The following TTC9C variants were observed in gnomAD, a reference collection of about 807,000 sequenced individuals.
TTC9C encodes the protein tetratricopeptide repeat domain 9C.
Under a neutral mutation model 22.5 loss-of-function variants are expected in TTC9C, and 15 were observed. The observed-to-expected ratio is 0.67, with a 90% confidence interval of 0.45 to 1.03. TTC9C has a LOEUF of 1.03. Among genes scored for constraint, TTC9C ranks in the 50% least tolerant of loss-of-function variants. The probability of loss-of-function intolerance (pLI) is 0.00; values close to 1 mark genes in which losing one functional copy is unlikely to be tolerated. For synonymous variants in TTC9C, 92 were observed against 86.8 expected, an observed-to-expected ratio of 1.06 and a Z score of -0.33; for missense variants, 244 against 214.6, an observed-to-expected ratio of 1.14 and a Z score of -0.86.
At chr11:62,728,129 G>A (rs879258959), upstream of TTC9C, 3 of 161,842 alleles carry the variant, frequency 1.9e-5, no homozygotes, top group Non-Finnish European at 4.1e-5. Flanking sequence ...GGGTGGTGTG[G>A]CGCAATGCGC....
chr11:62,735,481 G>A lies in TTC9C; in HGVS notation c.338G>A (p.Arg113Gln), dbSNP rs758293320. 7.4e-6 allele frequency: 12 copies of A among 1,613,948 alleles called. No individual in the cohort carries two copies. Among genetic ancestry groups the A allele is most frequent in the East Asian group, 2.2e-5 (1 of 44,900 alleles). ...CCTGATAATGCCAAGGCCTTGTATCGGGCCGGAGTGGCCTTTTTCCATCTG... is the reference window on the plus strand; with the variant it reads ...CCTGATAATGCCAAGGCCTTGTATCAGGCCGGAGTGGCCTTTTTCCATCTG... The part of the protein sequence containing the change: ...RQPDNAKALY[R>Q]AGVAFFHLQD... Residue 113 changes from arginine (R) to glutamine (Q), a missense_variant, in exon 2 of 3, where the codon CGG (arginine) becomes CAG (glutamine). By Grantham distance (43) the Arg-to-Gln change is conservative (BLOSUM62 1). Transcript: ENST00000316461.
rs187679781 is a variant in TTC9C, at chr11:62,731,464, G to A, written c.238+2378G>A. 5.0e-4 allele frequency among the ~76,000 whole-genome samples: 76 copies of A among 152,204 alleles called. No individual in the cohort carries two copies. In the East Asian group the frequency reaches 0.014, roughly 28 times the overall value. Reference sequence around the variant, plus strand: ...ATACAAAAATTAGCCAGGCATGGTTGTGCTTGCCGGTAGTCCCAGCTATTC... The same window carrying A: ...ATACAAAAATTAGCCAGGCATGGTTATGCTTGCCGGTAGTCCCAGCTATTC... On this transcript the variant is annotated intron_variant, in intron 1 of 2. Transcript: ENST00000316461.
intron 2 of TTC9C, among the ~76,000 whole-genome samples, chr11:62,737,966 G>A (rs535815333): frequency 6.6e-6 from 1 of 152,246 alleles, no homozygotes; most frequent in South Asian, 2.1e-4. Flanking sequence ...GGGAGGCGGA[G>A]GTTGCAGTAA....
Position 62,738,434 on chromosome 11 carries a change from C to G in TTC9C, c.*52C>G. 1 of 1,266,230 alleles carries G rather than the reference C, an allele frequency of 7.9e-7. No individual in the cohort carries two copies. The highest frequency in any genetic ancestry group is 1.1e-6 in the Non-Finnish European group (1 of 879,798). The allele number at this position is 1,266,230 out of a possible 1,614,324, so 78.4% of individuals were successfully genotyped here. On this transcript the variant is annotated 3_prime_UTR_variant, in exon 3 of 3. Transcript: ENST00000316461. ...GAACTTAGGTGGACCATTAAACATG[C>G]ATGAAGGAGAAATCTGAGCCTCAGC...
Position 62,728,604 on chromosome 11 carries a change from C to A in TTC9C, c.-245C>A. ...TAGGAAGTCACTTAATGTTGGGCTT[C>A]ATTATTCCCACATCCCTTTCCTTAC... On this transcript the variant is annotated 5_prime_UTR_variant, in exon 1 of 3. Coordinates refer to ENST00000316461, the MANE Select transcript of TTC9C (RefSeq NM_173810.4). 1 of 635,908 alleles carries A rather than the reference C, an allele frequency of 1.6e-6. No homozygotes were observed. Among genetic ancestry groups the A allele is most frequent in the Non-Finnish European group, 2.9e-6 (1 of 342,712 alleles). 39.4% of individuals were successfully genotyped at this position (635,908 alleles called of 1,614,324 possible).
At chr11:62,735,697 G>A (rs554817491) in intron 2 of TTC9C, 133 bp downstream of exon 2, 13 of 1,397,072 alleles carry the variant, frequency 9.3e-6, no homozygotes, top group Admixed American at 8.8e-5. Flanking sequence ...TTGAGAATTC[G>A]AACTGAAAAA....
rs564056556 is a variant in TTC9C, at chr11:62,732,999, G to T, written c.239-2383G>T. The stretch of plus-strand genomic sequence containing the variant: ...TTTTTTTTTTTTTTTTGACCACTTG[G>T]TGGGGATGTTGTAGAAGGGATACAG... On this transcript the variant is annotated intron_variant, in intron 1 of 2. Transcript: ENST00000316461. The T allele has an allele frequency of 5.6e-5, 14 of 249,202 alleles. No individual in the cohort carries two copies. The East Asian group carries it at 1.8e-3, about 32-fold the overall frequency. The allele number at this position is 249,202 out of a possible 1,614,324, so 15.4% of individuals were successfully genotyped here.
chr11:62,730,090 T>C (rs1446665950), intron 1 of TTC9C, among the ~76,000 whole-genome samples: 2 of 152,198 alleles, frequency 1.3e-5, no homozygotes, highest in Non-Finnish European at 2.9e-5. Context: ...CTTTTTCTTT[T>C]TTTGAGAAGA....
At chr11:62,734,535 C>T (rs898441708) in intron 1 of TTC9C, among the ~76,000 whole-genome samples, 1 of 152,198 alleles carries the variant, frequency 6.6e-6, no homozygotes, top group Non-Finnish European at 1.5e-5. Context: ...GAGCCAAGAT[C>T]ATGCCACTGC....
chr11:62,738,095 A>G (rs1430187766), intron 2 of TTC9C, among the ~76,000 whole-genome samples, 193 bp from the exon 3 acceptor site: 2 of 140,034 alleles, frequency 1.4e-5, no homozygotes, highest in Non-Finnish European at 3.1e-5. Flanking sequence ...CAGCCGGGAC[A>G]GAGATTGTTT....
chr11:62,736,150 T>C (rs957136660), intron 2 of TTC9C: 4 of 144,194 alleles, frequency 2.8e-5, no homozygotes, highest in Non-Finnish European at 6.0e-5. Context: ...GGCAGGAGAA[T>C]TGCTTGAACC....
chr11:62,729,535 A>G (rs987536923), intron 1 of TTC9C, among the ~76,000 whole-genome samples: 1 of 147,558 alleles, frequency 6.8e-6, no homozygotes, highest in African/African-American at 2.5e-5. Flanking sequence ...AGTAGCCGGG[A>G]TTACAGGCGC....
chr11:62,728,552 G>T lies in TTC9C; in HGVS notation c.-297G>T, dbSNP rs762534779. On this transcript the variant is annotated 5_prime_UTR_variant, in exon 1 of 3. Transcript: ENST00000316461. ...GGGCCTTGCTTGAGTTCTTCGGAAAGTCTCATCCACCCCCACATCGCCTCT... is the reference window on the plus strand; with the variant it reads ...GGGCCTTGCTTGAGTTCTTCGGAAATTCTCATCCACCCCCACATCGCCTCT... The T allele has an allele frequency of 2.1e-5, 11 of 526,226 alleles. No homozygotes were observed. The highest frequency in any genetic ancestry group is 3.1e-5 in the South Asian group (2 of 65,152). The allele number at this position is 526,226 out of a possible 1,614,324, so 32.6% of individuals were successfully genotyped here.
intron 1 of TTC9C, chr11:62,733,328 G>A: frequency 2.5e-6 from 1 of 396,916 alleles, no homozygotes; most frequent in South Asian, 2.4e-5. Context: ...CCTAGAACCT[G>A]TAAGATCTTA....
chr11:62,729,253 A>G (rs1393633291), intron 1 of TTC9C, among the ~76,000 whole-genome samples, 167 bp downstream of exon 1: 2 of 151,904 alleles, frequency 1.3e-5, no homozygotes, highest in African/African-American at 4.8e-5. Flanking sequence ...TTAAGTTGCC[A>G]TAGAGCAGGG....
intron 2 of TTC9C, among the ~76,000 whole-genome samples, chr11:62,737,141 G>C (rs180785622): frequency 6.6e-6 from 1 of 152,218 alleles, no homozygotes; most frequent in East Asian, 1.9e-4. Flanking sequence ...AGAGCTTGCA[G>C]TGAGCCAAGA....
intron 2 of TTC9C, among the ~76,000 whole-genome samples, chr11:62,736,853 C>CAAA (rs140941111): frequency 7.6e-6 from 1 of 131,142 alleles, no homozygotes; most frequent in East Asian, 2.2e-4. Context: ...GACTCCATCC[C>CAAA]AAAAAAAAAA....
chr11:62,728,211 G>C (rs192540285), upstream of TTC9C: 1 of 307,016 alleles, frequency 3.3e-6, no homozygotes, highest in East Asian at 9.2e-5. Context: ...GTAAACCGAA[G>C]CCCAGGAGAC....
intron 1 of TTC9C, among the ~76,000 whole-genome samples, chr11:62,730,969 A>G (rs900748215): frequency 6.6e-6 from 1 of 151,696 alleles, no homozygotes; most frequent in Admixed American, 6.6e-5. Context: ...GCTCACTGCA[A>G]CCTTTGCCTT....
Sources: gnomAD v4.1 joint callset for allele counts (sites outside exome capture counted in the v4.1 genomes callset) on GRCh38, gnomAD v4.1.1 for gene constraint, MANE v1.5 for transcripts, NCBI Gene and HGNC (gene_info 2026-07-23, HGNC 2026-07-21) for gene names.